The following MANBA variants were observed in gnomAD, a reference collection of about 807,000 sequenced individuals.
MANBA encodes mannosidase beta.
Under a neutral mutation model 111.1 loss-of-function variants are expected in MANBA, and 83 were observed. The ratio of observed to expected loss-of-function variants is 0.75; its 90% confidence interval spans 0.63 to 0.90. MANBA has a LOEUF of 0.90. Ranked by LOEUF, MANBA falls within the 40% of genes least tolerant of loss-of-function variation. The pLI, the probability that MANBA is intolerant of heterozygous loss-of-function variation, is 0.00. For missense variants in MANBA, 1,036 were observed against 1,069.0 expected (o/e 0.97, Z 0.43); for synonymous variants, 370 against 378.7 (o/e 0.98, Z 0.27).
At chr4:102,661,925 C>T (rs1027487227) in intron 11 of MANBA, among the ~76,000 whole-genome samples, 44 of 152,252 alleles carry the variant, frequency 2.9e-4, no homozygotes, top group Admixed American at 2.4e-3. Flanking sequence ...TGGTACTTTC[C>T]CTTTTTATGA....
At chr4:102,662,216 T>C (rs1169082022) in intron 11 of MANBA, among the ~76,000 whole-genome samples, 1 of 152,084 alleles carries the variant, frequency 6.6e-6, no homozygotes, top group East Asian at 1.9e-4. Flanking sequence ...AGGATGATGA[T>C]GATGATGATG....
chr4:102,663,132 A>C (rs972715837), intron 11 of MANBA: 6 of 152,134 alleles, frequency 3.9e-5, no homozygotes, highest in African/African-American at 1.4e-4. Flanking sequence ...CTTTTCATTA[A>C]GCAGAAATGT....
chr4:102,646,849 A>T (rs1271832753), intron 13 of MANBA, among the ~76,000 whole-genome samples: 1 of 152,110 alleles, frequency 6.6e-6, no homozygotes, highest in Admixed American at 6.6e-5. Context: ...GCCCATAGGG[A>T]TATCTTTTTG....
intron 1 of MANBA, chr4:102,729,585 A>T (rs1722952010): frequency 1.1e-6 from 1 of 902,046 alleles, no homozygotes. Flanking sequence ...CATCCTCTTG[A>T]TGAGGACAAA....
At chr4:102,689,714 T>C (rs894609424) in intron 6 of MANBA, 30 bp from the exon 7 acceptor site, 17 of 1,319,632 alleles carry the variant, frequency 1.3e-5, no homozygotes, top group Non-Finnish European at 1.9e-5. Flanking sequence ...GTCACTCTAA[T>C]ATGTCATATT....
At chr4:102,725,204 A>G (rs764087888) in intron 2 of MANBA, among the ~76,000 whole-genome samples, 111 of 152,300 alleles carry the variant, frequency 7.3e-4, no homozygotes, top group Non-Finnish European at 1.4e-3. Flanking sequence ...TATACTAAAA[A>G]CCATTGAATT....
intron 6 of MANBA, among the ~76,000 whole-genome samples, chr4:102,690,067 A>T (rs572656162): frequency 6.6e-6 from 1 of 152,278 alleles, no homozygotes; most frequent in African/African-American, 2.4e-5. Context: ...ACTTTATCTC[A>T]ACAGCTACTG....
intron 12 of MANBA, among the ~76,000 whole-genome samples, chr4:102,657,246 T>C (rs1465472334): frequency 3.1e-4 from 34 of 110,524 alleles, no homozygotes; most frequent in Admixed American, 7.2e-4. Context: ...GCGGTGGTAA[T>C]GGAATAGGAG....
chr4:102,734,976 C>T (rs11942902), intron 1 of MANBA, among the ~76,000 whole-genome samples: 1 of 152,174 alleles, frequency 6.6e-6, no homozygotes, highest in Non-Finnish European at 1.5e-5. Flanking sequence ...ATTTTGGAGT[C>T]ATTATCTAAT....
intron 16 of MANBA, among the ~76,000 whole-genome samples, chr4:102,634,462 C>A (rs6813322): frequency 1.3e-5 from 2 of 151,600 alleles, no homozygotes; most frequent in Non-Finnish European, 2.9e-5. Flanking sequence ...TGAGGTGAAG[C>A]ACCTAGAACA....
intron 1 of MANBA, among the ~76,000 whole-genome samples, chr4:102,742,284 C>T (rs1199423159): frequency 1.3e-5 from 2 of 152,136 alleles, no homozygotes; most frequent in Non-Finnish European, 2.9e-5. Context: ...GACTTCTAGA[C>T]CAGCAGAACG....
chr4:102,680,851 C>G (rs1377754157), intron 7 of MANBA, among the ~76,000 whole-genome samples: 2 of 152,212 alleles, frequency 1.3e-5, no homozygotes, highest in African/African-American at 4.8e-5. Context: ...ACTCCTTTAT[C>G]TCCATTCTAC....
chr4:102,634,570 G>A (rs529558140), intron 16 of MANBA, among the ~76,000 whole-genome samples: 4 of 152,342 alleles, frequency 2.6e-5, no homozygotes, highest in South Asian at 4.1e-4. Context: ...TGGGACAAAC[G>A]AGTAGTGGTC....
intron 1 of MANBA, among the ~76,000 whole-genome samples, chr4:102,732,299 T>C (rs1723059313): frequency 1.3e-5 from 2 of 152,232 alleles, no homozygotes; most frequent in South Asian, 2.1e-4. Flanking sequence ...CATCTATCCA[T>C]GAACAATATA....
intron 7 of MANBA, among the ~76,000 whole-genome samples, chr4:102,678,314 T>A (rs1166211836): frequency 6.6e-6 from 1 of 152,162 alleles, no homozygotes; most frequent in Non-Finnish European, 1.5e-5. Flanking sequence ...CTTTCACAAG[T>A]GAAAGGCTCC....
At chr4:102,751,473 C>G in intron 1 of MANBA, 5 of 525,564 alleles carry the variant, frequency 9.5e-6, no homozygotes, top group South Asian at 5.6e-5. Flanking sequence ...CTTCTCAATC[C>G]CTGCCGCCTC....
chr4:102,760,594 G>C, intron 1 of MANBA, 124 bp downstream of exon 1: 1 of 1,066,868 alleles, frequency 9.4e-7, no homozygotes, highest in Non-Finnish European at 1.3e-6. Context: ...AGATGCAAAG[G>C]GGAAGTTACT....
intron 4 of MANBA, among the ~76,000 whole-genome samples, chr4:102,716,525 T>C (rs562527974): frequency 7.9e-5 from 12 of 152,246 alleles, no homozygotes; most frequent in African/African-American, 2.9e-4. Context: ...TTATTTGACC[T>C]GGGTACCTGT....
chr4:102,684,898 T>C (rs1732143283), intron 7 of MANBA, among the ~76,000 whole-genome samples: 1 of 152,196 alleles, frequency 6.6e-6, no homozygotes, highest in Non-Finnish European at 1.5e-5. Context: ...CATGAATTGC[T>C]TATTTCTGGA....
Sources: gnomAD v4.1 joint callset for allele counts (sites outside exome capture counted in the v4.1 genomes callset) on GRCh38, gnomAD v4.1.1 for gene constraint, MANE v1.5 for transcripts, NCBI Gene and HGNC (gene_info 2026-07-23, HGNC 2026-07-21) for gene names.